CALCR: variants seen among roughly 807,000 people sequenced by gnomAD.
CALCR encodes calcitonin receptor.
In CALCR, 47 loss-of-function variants were observed where a neutral mutation model predicts 59.5. The ratio of observed to expected loss-of-function variants is 0.79; its 90% CI spans 0.63 to 1.01. The LOEUF (loss-of-function observed/expected upper bound fraction) is 1.01. Ranked by LOEUF, CALCR falls within the 50% of genes least tolerant of loss-of-function variation. The pLI is 0.00. For synonymous variants in CALCR, 213 were observed against 211.3 expected, an observed-to-expected ratio of 1.01 and a Z score of -0.07; for missense variants, 566 against 597.1, an observed-to-expected ratio of 0.95 and a Z score of 0.54.
intron 8 of CALCR, among the ~76,000 whole-genome samples, chr7:93,450,315 T>C (rs6465381): frequency 0.14 from 21,564 of 151,922 alleles, 1,735 homozygotes; most frequent in Middle Eastern, 0.18. Flanking sequence ...TTCTAGCTTG[T>C]TGGAATGCTC....
chr7:93,564,545 C>T (rs905622151), intron 2 of CALCR, among the ~76,000 whole-genome samples: 39 of 152,104 alleles, frequency 2.6e-4, no homozygotes, highest in South Asian at 2.3e-3. Flanking sequence ...CTCTGCCTCC[C>T]GGGTTCAAGC....
chr7:93,521,152 A>G (rs1279747073), intron 2 of CALCR, among the ~76,000 whole-genome samples: 1 of 152,142 alleles, frequency 6.6e-6, no homozygotes, highest in Non-Finnish European at 1.5e-5. Context: ...TTATTTAGTA[A>G]ATAGCTCTAG....
intron 2 of CALCR, among the ~76,000 whole-genome samples, chr7:93,534,968 C>T (rs1034475778): frequency 6.6e-6 from 1 of 151,678 alleles, no homozygotes; most frequent in Non-Finnish European, 1.5e-5. Flanking sequence ...CTTCATCTTA[C>T]AGATGAGAAA....
At chr7:93,525,821 T>G (rs989013529) in intron 2 of CALCR, among the ~76,000 whole-genome samples, 5 of 152,162 alleles carry the variant, frequency 3.3e-5, no homozygotes, top group African/African-American at 1.2e-4. Flanking sequence ...TAGAGATTTG[T>G]TTTGTATTAA....
intron 5 of CALCR, among the ~76,000 whole-genome samples, chr7:93,477,281 T>C (rs1320058152): frequency 6.6e-6 from 1 of 151,862 alleles, no homozygotes; most frequent in Non-Finnish European, 1.5e-5. Context: ...AAAACTCACA[T>C]TTAAATAAAA....
intron 8 of CALCR, among the ~76,000 whole-genome samples, chr7:93,452,865 TA>T (rs1800138316): frequency 6.6e-6 from 1 of 151,964 alleles, no homozygotes; most frequent in African/African-American, 2.4e-5. Context: ...AGAAATGTGA[TA>T]GGGGAATAAA....
chr7:93,425,867 A>G lies in CALCR; in HGVS notation c.*489T>C, dbSNP rs922197772. 2.0e-5 allele frequency: 3 copies of G among 153,058 alleles called. No individual in the cohort carries two copies. The highest frequency in any genetic ancestry group is 7.2e-5 in the African/African-American group (3 of 41,460). The allele number at this position is 153,058 out of a possible 1,614,324, so 9.5% of individuals were successfully genotyped here. A position where few individuals can be genotyped will look rare whatever the true frequency, so the allele number is the denominator to read the frequency against. On this transcript the variant is annotated 3_prime_UTR_variant, in exon 14 of 14. Transcript: ENST00000426151. ...ACGTAGTTCATGTGGTTTACATTGT[A>G]AGGATGGTAAAACATCTCAGTAACA...
Position 93,481,074 on chromosome 7 carries a change from C to T in CALCR, c.52-1567G>A, listed in dbSNP as rs545803264. Reference sequence around the variant, plus strand: ...AGATCTGTTTCCTCAACCTAGGAAACGTAAAATAAGAAGAGCGGTAAGAAT... The same window carrying T: ...AGATCTGTTTCCTCAACCTAGGAAATGTAAAATAAGAAGAGCGGTAAGAAT... On this transcript the variant is annotated intron_variant, in intron 3 of 13. Coordinates refer to ENST00000426151, the MANE Select transcript of CALCR (RefSeq NM_001742.4). 4.0e-5 allele frequency among the ~76,000 whole-genome samples: 6 copies of T among 151,778 alleles called. No homozygotes were observed. The East Asian group carries it at 5.9e-4, about 15-fold the overall frequency.
chr7:93,545,107 G>A (rs1369906287), intron 2 of CALCR, among the ~76,000 whole-genome samples: 1 of 152,022 alleles, frequency 6.6e-6, no homozygotes, highest in Non-Finnish European at 1.5e-5. Context: ...GGGATGGGAA[G>A]GATAAGGTAC....
At chr7:93,486,765 A>G (rs1478141927) in intron 3 of CALCR, among the ~76,000 whole-genome samples, 166 bp downstream of exon 3, 22 of 151,504 alleles carry the variant, frequency 1.5e-4, no homozygotes, top group Admixed American at 1.3e-3. Flanking sequence ...CAGAGGAGAG[A>G]TTTGTTAACA....
intron 3 of CALCR, chr7:93,482,886 T>A: frequency 3.8e-6 from 2 of 531,822 alleles, no homozygotes; most frequent in Non-Finnish European, 7.7e-6. Flanking sequence ...AGATGAGCAG[T>A]AATAATCTGC....
intron 2 of CALCR, among the ~76,000 whole-genome samples, chr7:93,557,481 T>G (rs1219804267): frequency 6.6e-6 from 1 of 151,918 alleles, no homozygotes; most frequent in African/African-American, 2.4e-5. Context: ...TGAATATTAT[T>G]TGTTCTATAC....
At chr7:93,544,229 AC>A (rs1243243262) in intron 2 of CALCR, among the ~76,000 whole-genome samples, 1 of 152,114 alleles carries the variant, frequency 6.6e-6, no homozygotes, top group African/African-American at 2.4e-5. Flanking sequence ...TTCTTCTGAT[AC>A]CAAATATTAA....
In CALCR at chr7:93,436,148, T is replaced by G; in HGVS notation, c.953A>C (p.Asn318Thr). ...ALVVNFFFLLNIVRVLVTKMR... is the reference protein window; with the variant it reads ...ALVVNFFFLLTIVRVLVTKMR... The stretch of plus-strand genomic sequence containing the variant: ...TTTGGTCACAAGCACCCGGACAATG[T>G]TGAGCAAAAAGAAGAAATTGACCTG... The change falls in exon 12 of 14, where the codon AAC (asparagine) becomes ACC (threonine). Residue 318 changes from asparagine (N) to threonine (T), a missense_variant. Coordinates refer to ENST00000426151, the MANE Select transcript of CALCR (RefSeq NM_001742.4). 6.2e-7 allele frequency: 1 copy of G among 1,614,136 alleles called. No homozygotes were observed. Among genetic ancestry groups the G allele is most frequent in the Non-Finnish European group, 8.5e-7 (1 of 1,179,970 alleles).
intron 13 of CALCR, among the ~76,000 whole-genome samples, chr7:93,431,423 T>C (rs1799657132): frequency 1.3e-5 from 2 of 152,164 alleles, no homozygotes; most frequent in African/African-American, 4.8e-5. Flanking sequence ...AGAAAGGAGC[T>C]GGAGTTCCAG....
intron 6 of CALCR, among the ~76,000 whole-genome samples, chr7:93,471,008 G>A (rs1225188351): frequency 5.5e-5 from 8 of 145,672 alleles, no homozygotes; most frequent in East Asian, 2.1e-4. Flanking sequence ...TCCCACCTAT[G>A]AGTGAGAATA....
At chr7:93,543,088 A>T (rs1435126874) in intron 2 of CALCR, among the ~76,000 whole-genome samples, 2 of 152,164 alleles carry the variant, frequency 1.3e-5, no homozygotes, top group African/African-American at 4.8e-5. Context: ...ATAATTGTAT[A>T]TGCCACATTT....
intron 2 of CALCR, among the ~76,000 whole-genome samples, chr7:93,506,121 A>G (rs1012794340): frequency 1.3e-5 from 2 of 152,128 alleles, no homozygotes; most frequent in Non-Finnish European, 2.9e-5. Context: ...CTATTAAACT[A>G]TCACTCCTAA....
chr7:93,429,392 A>T (rs1254566978), intron 13 of CALCR, among the ~76,000 whole-genome samples: 1 of 152,220 alleles, frequency 6.6e-6, no homozygotes, highest in Non-Finnish European at 1.5e-5. Flanking sequence ...ATGTAACAAC[A>T]ACAAAAAGAT....
Sources: allele counts gnomAD v4.1 joint callset (sites outside exome capture counted in the v4.1 genomes callset), GRCh38; gene constraint gnomAD v4.1.1; transcripts MANE v1.5; gene names NCBI Gene and HGNC (gene_info 2026-07-23, HGNC 2026-07-21).